The following INO80 variants were observed in gnomAD, a reference collection of about 807,000 sequenced individuals.
The protein encoded by INO80 is INO80 complex ATPase subunit.
A neutral mutation model predicts 203.4 loss-of-function variants in INO80; 20 were observed. That is an observed-to-expected ratio of 0.10 (90% CI 0.07 to 0.14). The LOEUF (loss-of-function observed/expected upper bound fraction) is 0.14, where lower values mean the gene tolerates loss of function less well. INO80 is among the 10% of genes least tolerant of loss of function. The pLI is 1.00. For missense variants in INO80, 1,419 were observed against 1,914.4 expected (o/e 0.74, Z 4.83); for synonymous variants, 726 against 685.2 (o/e 1.06, Z -0.93).
intron 24 of INO80, among the ~76,000 whole-genome samples, chr15:41,037,706 G>A (rs1177815642): frequency 6.6e-6 from 1 of 151,736 alleles, no homozygotes; most frequent in Non-Finnish European, 1.5e-5. Flanking sequence ...ACTTTGAAAG[G>A]CCGAGGCGAG....
intron 17 of INO80, 53 bp from the exon 18 acceptor site, chr15:41,055,417 G>GT (rs2044964829): frequency 8.2e-7 from 1 of 1,213,538 alleles, no homozygotes; most frequent in African/African-American, 1.5e-5. Context: ...ATGACAGCGT[G>GT]TAAGGATGTA....
In INO80 at chr15:41,056,705, C is replaced by G; in HGVS notation, c.1987G>C (p.Val663Leu). 6.2e-7 allele frequency: 1 copy of G among 1,613,052 alleles called. No individual in the cohort carries two copies. The highest frequency in any genetic ancestry group is 8.5e-7 in the Non-Finnish European group (1 of 1,179,042). The part of the protein sequence containing the change: ...EAQALKSSSS[V>L]RWKILLQFQC... ...AACTGTAAGAGGATCTTCCAACGAA[C>G]ACTGTTTGATAAAATAAGTTACAAA... The change falls in exon 17 of 36, where the codon GTT (valine) becomes CTT (leucine). Residue 663 changes from valine to leucine, a missense_variant and splice_region_variant. By Grantham distance (32) the Val-to-Leu change is conservative. Coordinates refer to ENST00000648947, the MANE Select transcript of INO80 (RefSeq NM_017553.3).
intron 1 of INO80, among the ~76,000 whole-genome samples, chr15:41,100,176 G>A (rs539814531): frequency 2.0e-5 from 3 of 152,128 alleles, no homozygotes; most frequent in African/African-American, 7.2e-5. Context: ...CCAGGTTCAC[G>A]CCATTCTCCT....
At chr15:41,010,365 G>T (rs2044115622) in intron 27 of INO80, among the ~76,000 whole-genome samples, 1 of 151,444 alleles carries the variant, frequency 6.6e-6, no homozygotes, top group Non-Finnish European at 1.5e-5. Flanking sequence ...AAATCTTCAT[G>T]ATCTGTTCTG....
rs529520560 is a variant in INO80 at position 41,037,942 on chromosome 15, C to CA, written c.2907+6961dup. Among the ~76,000 whole-genome samples, 13 of 136,920 alleles carry CA rather than the reference C, an allele frequency of 9.5e-5. No individual in the cohort carries two copies. The South Asian group carries it at 9.5e-4, about 10-fold the overall frequency. 89.8% of individuals were successfully genotyped at this position (136,920 alleles called of 152,430 possible). On this transcript the variant is annotated intron_variant, in intron 24 of 35. Coordinates refer to ENST00000648947, the MANE Select transcript of INO80 (RefSeq NM_017553.3). The stretch of plus-strand genomic sequence containing the variant: ...TGGGCGACAGAGTAAGACTCTGTCT[C>CA]AAAAAAAAAGTGTAGTTAACCAACT...
chr15:41,058,551 CTGTGTGTGTGTGTGTGTGCGTGTGTG>C (rs2045038536), intron 16 of INO80, 62 bp downstream of exon 16: 13 of 872,484 alleles, frequency 1.5e-5, no homozygotes, highest in African/African-American at 3.6e-5. Context: ...ATATACAAGT[CTGTGTGTGTGTGTGTGTGCGTGTGTG>C]TGTGTGTGTG....
At position 41,049,915 on chromosome 15, in the gene INO80, G is replaced by C. The variant is rs2140530106; in HGVS notation, c.2442+20C>G. ...AAAAACAAAAAACAAAACTTCAAGG[G>C]AACTGACGTAAGCTCTTACCTTCCT... On this transcript the variant is annotated intron_variant, in intron 20 of 35. Transcript: ENST00000648947. 1 of 1,589,514 alleles carries C rather than the reference G, an allele frequency of 6.3e-7. No individual in the cohort carries two copies. The highest frequency in any genetic ancestry group is 1.8e-5 in the Admixed American group (1 of 56,604).
At chr15:41,013,139 AAG>A (rs1465783649) in intron 27 of INO80, 1 of 152,190 alleles carries the variant, frequency 6.6e-6, no homozygotes, top group Non-Finnish European at 1.5e-5. Context: ...TGTTGGATGA[AAG>A]AGAGTTGCTC....
Position 41,070,453 on chromosome 15 carries a change from T to C in INO80, c.1686+14A>G, listed in dbSNP as rs1481288472. On this transcript the variant is annotated intron_variant, in intron 13 of 35. Coordinates refer to ENST00000648947, the MANE Select transcript of INO80 (RefSeq NM_017553.3). ...TTCTAGAGAAATGAAGATAGAAAGA[T>C]TGCATCTACCCACCTCAGCCAGATG... 3.7e-6 allele frequency: 6 copies of C among 1,606,188 alleles called. No homozygotes were observed. The highest frequency in any genetic ancestry group is 5.1e-6 in the Non-Finnish European group (6 of 1,173,222).
intron 24 of INO80, among the ~76,000 whole-genome samples, chr15:41,044,308 C>T (rs2044717606): frequency 2.6e-5 from 4 of 152,106 alleles, no homozygotes; most frequent in Admixed American, 6.6e-5. Flanking sequence ...AAAATATCTA[C>T]CACAGTAGAA....
In INO80 at chr15:41,085,493, A is replaced by G; in HGVS notation, c.749T>C (p.Val250Ala). ...SPRRHHHQTK[V>A]FAKFSHDAPP... ...TGCATCGTGAGAAAACTTGGCAAAG[A>G]CTTTGGTCTGGTGGTGATGGCGACG... Residue 250 changes from valine (V) to alanine (A), a missense_variant, in exon 7 of 36, where the codon GTC becomes GCC. This residue lies in a region of INO80 where 323 missense variants were observed against 325.4 expected (regional missense o/e 0.99). Coordinates refer to ENST00000648947, the MANE Select transcript of INO80 (RefSeq NM_017553.3). 1.2e-6 allele frequency: 2 copies of G among 1,614,128 alleles called. No homozygotes were observed. The highest frequency in any genetic ancestry group is 1.7e-6 in the Non-Finnish European group (2 of 1,180,026).
intron 1 of INO80, among the ~76,000 whole-genome samples, chr15:41,104,038 G>C (rs1276919475): frequency 6.6e-6 from 1 of 151,600 alleles, no homozygotes; most frequent in African/African-American, 2.4e-5. Flanking sequence ...GACCAACATG[G>C]AGAAACCTCG....
intron 1 of INO80, chr15:41,108,866 A>AG (rs1274559885): frequency 6.6e-6 from 1 of 152,520 alleles, no homozygotes; most frequent in African/African-American, 2.4e-5. Flanking sequence ...TAATTAAATA[A>AG]GGGTGATGTT....
intron 14 of INO80, 73 bp from the exon 15 acceptor site, chr15:41,059,999 G>C: frequency 9.7e-7 from 1 of 1,035,480 alleles, no homozygotes; most frequent in East Asian, 2.6e-5. Flanking sequence ...TATATAATTC[G>C]GAACAATTTA....
rs1205932520 is a variant in INO80 at position 41,046,202 on chromosome 15, C to CATATATATATATATATAT, written c.2736-1128_2736-1127insATATATATATATATATAT. On this transcript the variant is annotated intron_variant, in intron 23 of 35. Transcript: ENST00000648947. ...CTGTGTGTGTCTCTGTGTGCGTATACATACATATATATATATATATATATA... is the reference window on the plus strand; with the variant it reads ...CTGTGTGTGTCTCTGTGTGCGTATACATATATATATATATATATATACATATATATATATATATATATA... Among the ~76,000 whole-genome samples the CATATATATATATATATAT allele has an allele frequency of 8.2e-5, 9 of 109,488 alleles. 2 individuals are homozygous for CATATATATATATATATAT. The highest frequency in any genetic ancestry group is 2.3e-4 in the East Asian group (1 of 4,286). 71.8% of individuals were successfully genotyped at this position (109,488 alleles called of 152,430 possible).
chr15:41,109,093 TG>T, intron 1 of INO80: 1 of 163,570 alleles, frequency 6.1e-6, no homozygotes. Context: ...AGTCTATTCC[TG>T]GAACAAAAAT....
At chr15:41,035,821 CA>C (rs71104768) in intron 24 of INO80, among the ~76,000 whole-genome samples, 332 of 20,128 alleles carry the variant, frequency 0.016, no homozygotes, top group African/African-American at 0.076. Flanking sequence ...GACTCTGTCT[CA>C]AAAAAAAAAA....
Position 41,074,603 on chromosome 15 carries a change from CAAT to C in INO80, c.1132-41_1132-39del, listed in dbSNP as rs1350815729. ...AAAAGTGAAAACAGAGCCAAATTAT[CAAT>C]GATATCCAAGAAGTAGTCCAGAATT... On this transcript the variant is annotated intron_variant, in intron 9 of 35. Transcript: ENST00000648947. 9 of 1,415,034 alleles carry C rather than the reference CAAT, an allele frequency of 6.4e-6. No individual in the cohort carries two copies. The East Asian group carries it at 2.1e-4, about 33-fold the overall frequency. 87.7% of individuals were successfully genotyped at this position (1,415,034 alleles called of 1,614,324 possible).
chr15:41,043,605 T>C (rs980079997), intron 24 of INO80, among the ~76,000 whole-genome samples: 1 of 152,224 alleles, frequency 6.6e-6, no homozygotes, highest in East Asian at 1.9e-4. Context: ...AGCCAAAGAA[T>C]GTCCTTCATT....
Sources: allele counts gnomAD v4.1 joint callset (sites outside exome capture counted in the v4.1 genomes callset), GRCh38; gene constraint gnomAD v4.1.1; regional missense constraint gnomAD v4.1.1; transcripts MANE v1.5; gene names NCBI Gene and HGNC (gene_info 2026-07-23, HGNC 2026-07-21).